Variants in THEM4 observed in about 807,000 individuals in gnomAD.
THEM4 encodes thioesterase superfamily member 4.
Under a neutral mutation model 25.0 loss-of-function variants are expected in THEM4, and 22 were observed. The observed-to-expected ratio is 0.88, with a 90% CI of 0.63 to 1.26. The LOEUF (loss-of-function observed/expected upper bound fraction) is 1.26. Among genes scored for constraint, THEM4 ranks in the 50% most tolerant of loss-of-function variants. The pLI, the probability that THEM4 is intolerant of heterozygous loss-of-function variation, is 0.00. For missense variants in THEM4, 286 were observed against 300.3 expected (o/e 0.95, Z 0.35); for synonymous variants, 113 against 105.6 (o/e 1.07, Z -0.43).
rs192107051 is a variant in THEM4, at chr1:151,877,079, T to C, written c.604A>G (p.Lys202Glu). ...ACAAAAAATTTCCTTCCTTCAACTTTATCAAGTTGGCTATTTATCATAACA... is the reference window on the plus strand; with the variant it reads ...ACAAAAAATTTCCTTCCTTCAACTTCATCAAGTTGGCTATTTATCATAACA... Reference protein sequence around the residue: ...SVVMINSQLDKVEGRKFFVSC... With the variant: ...SVVMINSQLDEVEGRKFFVSC... Residue 202 changes from lysine (K) to glutamate (E), a missense_variant, in exon 5 of 6, where the codon AAA (lysine) becomes GAA (glutamate). Coordinates refer to ENST00000368814, the MANE Select transcript of THEM4 (RefSeq NM_053055.5). The C allele has an allele frequency of 1.4e-5, 23 of 1,613,654 alleles. No individual in the cohort carries two copies. The East Asian group carries it at 4.9e-4, about 34-fold the overall frequency.
rs1289804978 is a variant in THEM4, at chr1:151,874,924, T to G, written c.687A>C (p.Leu229Phe). 6.2e-7 allele frequency: 1 copy of G among 1,613,376 alleles called. No homozygotes were observed. Among genetic ancestry groups the G allele is most frequent in the African/African-American group, 1.3e-5 (1 of 74,888 alleles). ...EKTLYSEATS[L>F]FIKLNPAKSL... is the part of the protein sequence containing the mutation. Reference sequence around the variant, plus strand: ...TTTTAGCAGGATTCAGCTTTATAAATAAGCCTAAACAAACAAAATAACAGC... The same window carrying G: ...TTTTAGCAGGATTCAGCTTTATAAAGAAGCCTAAACAAACAAAATAACAGC... The change falls in exon 6 of 6, where the codon TTA (leucine) becomes TTC (phenylalanine). Residue 229 changes from leucine (L) to phenylalanine (F), a missense_variant. Physicochemically the swap from Leu to Phe is conservative, Grantham distance 22. Transcript: ENST00000368814.
intron 4 of THEM4, among the ~76,000 whole-genome samples, chr1:151,877,687 C>T (rs1653714421): frequency 6.6e-6 from 1 of 152,120 alleles, no homozygotes; most frequent in South Asian, 2.1e-4. Flanking sequence ...ACCTGGTAGC[C>T]ACATGTGCCT....
intron 4 of THEM4, among the ~76,000 whole-genome samples, chr1:151,882,868 G>A (rs1653875578): frequency 6.6e-6 from 1 of 152,028 alleles, no homozygotes; most frequent in African/African-American, 2.4e-5. Context: ...AATCATGAGA[G>A]TTTGCATTAG....
intron 1 of THEM4, among the ~76,000 whole-genome samples, chr1:151,906,333 G>A (rs1173235707): frequency 1.3e-5 from 2 of 152,252 alleles, no homozygotes; most frequent in South Asian, 2.1e-4. Context: ...GCCCACTGGC[G>A]CTGCGCTCGA....
chr1:151,882,615 T>C (rs539745023), intron 4 of THEM4, among the ~76,000 whole-genome samples: 2 of 152,316 alleles, frequency 1.3e-5, no homozygotes, highest in African/African-American at 4.8e-5. Context: ...CATTTGAGCT[T>C]GTTTTATCTG....
chr1:151,895,164 T>G lies in THEM4; in HGVS notation c.130A>C (p.Lys44Gln). The G allele has an allele frequency of 1.2e-6, 2 of 1,612,150 alleles. No individual in the cohort carries two copies. The highest frequency in any genetic ancestry group is 3.3e-4 in the Middle Eastern group (2 of 6,060). ...CTGGGGTTGGGGACAGAACAGTCCT[T>G]AAGAATGACTTCCTCAGAAGAAAAT... ...RSFSSEEVIL[K>Q]DCSVPNPSWN... Residue 44 changes from lysine to glutamine, a missense_variant, in exon 2 of 6, where the codon AAG becomes CAG. Physicochemically the swap from Lys to Gln is moderately conservative, Grantham distance 53 (BLOSUM62 1). Transcript: ENST00000368814.
chr1:151,890,525 A>G (rs1048910), intron 2 of THEM4: 166,602 of 182,372 alleles, frequency 0.91, 76,144 homozygotes, highest in East Asian at 0.94. Context: ...ACGTGGAAAA[A>G]GATACAGATG....
rs1654353299 is a variant in THEM4, at chr1:151,901,579, A to G, written c.100-6385T>C. ...GCAAATAGGCCAGGCGCTGTGGCTC[A>G]TGCCTGTAATCCCAGCACTTTGGGA... On this transcript the variant is annotated intron_variant, in intron 1 of 5. Transcript: ENST00000368814. 2.6e-5 allele frequency among the ~76,000 whole-genome samples: 4 copies of G among 152,232 alleles called. No homozygotes were observed. In the South Asian group the frequency reaches 8.3e-4, roughly 32 times the overall value.
At chr1:151,899,826 A>G (rs1040548093) in intron 1 of THEM4, among the ~76,000 whole-genome samples, 4 of 152,226 alleles carry the variant, frequency 2.6e-5, no homozygotes, top group Admixed American at 2.6e-4. Context: ...ATTCATCACA[A>G]AAAGATCTGC....
rs1020293987 is a variant in THEM4 at position 151,874,828 on chromosome 1, T to G, written c.*60A>C. The G allele has an allele frequency of 5.3e-6, 8 of 1,519,952 alleles. No individual in the cohort carries two copies. In the African/African-American group the frequency reaches 6.9e-5, roughly 13 times the overall value. The allele number at this position is 1,519,952 out of a possible 1,614,324, so 94.2% of individuals were successfully genotyped here. On this transcript the variant is annotated 3_prime_UTR_variant, in exon 6 of 6. Coordinates refer to ENST00000368814, the MANE Select transcript of THEM4 (RefSeq NM_053055.5). ...ATTCAGCAGTGAGGGAGCAGAGTATTTGGGGGACAACTGCTTCTTCTGGAG... is the reference window on the plus strand; with the variant it reads ...ATTCAGCAGTGAGGGAGCAGAGTATGTGGGGGACAACTGCTTCTTCTGGAG...
intron 2 of THEM4, 111 bp from the exon 3 acceptor site, chr1:151,889,484 A>C (rs1654043390): frequency 8.9e-7 from 1 of 1,128,062 alleles, no homozygotes. Flanking sequence ...TGATTGATTC[A>C]AATGTCCACA....
intron 2 of THEM4, among the ~76,000 whole-genome samples, chr1:151,894,009 G>A (rs995564256): frequency 3.1e-4 from 47 of 152,118 alleles, no homozygotes; most frequent in African/African-American, 1.1e-3. Context: ...ACAGGTCCCC[G>A]CCACGAGGCC....
At chr1:151,905,720 T>C (rs1654444381) in intron 1 of THEM4, among the ~76,000 whole-genome samples, 2 of 152,224 alleles carry the variant, frequency 1.3e-5, no homozygotes, top group Non-Finnish European at 2.9e-5. Flanking sequence ...TTCCGTGTGA[T>C]TGTACCTTGC....
In THEM4 at chr1:151,872,444, TG is replaced by T. The variant is rs1653575040; in HGVS notation, c.*2443del. Among the ~76,000 whole-genome samples, 1 of 152,182 alleles carries T rather than the reference TG, an allele frequency of 6.6e-6. No homozygotes were observed. Among genetic ancestry groups the T allele is most frequent in the Non-Finnish European group, 1.5e-5 (1 of 68,026 alleles). ...AATATGGGGAAAGAAAGGAAAGAAA[TG>T]GAAGCCCAAATAATCTATTGCCTGC... On this transcript the variant is annotated 3_prime_UTR_variant, in exon 6 of 6. Transcript: ENST00000368814.
Position 151,874,652 on chromosome 1 carries a change from G to C in THEM4, c.*236C>G, listed in dbSNP as rs1425315833. The C allele has an allele frequency of 3.5e-6, 2 of 578,010 alleles. No individual in the cohort carries two copies. The highest frequency in any genetic ancestry group is 5.8e-5 in the East Asian group (2 of 34,460). The allele number at this position is 578,010 out of a possible 1,614,324, so 35.8% of individuals were successfully genotyped here. A position where few individuals can be genotyped will look rare whatever the true frequency, so the allele number is the denominator to read the frequency against. On this transcript the variant is annotated 3_prime_UTR_variant, in exon 6 of 6. Transcript: ENST00000368814. ...GGCCTCCTAAAGTGCTGGGATTATA[G>C]GTGTGAGCCACAGCGCCTGGCCCGA... is the stretch of plus-strand genomic sequence containing the variant.
At chr1:151,892,111 G>C (rs1654107354) in intron 2 of THEM4, among the ~76,000 whole-genome samples, 2 of 152,096 alleles carry the variant, frequency 1.3e-5, no homozygotes, top group Non-Finnish European at 2.9e-5. Flanking sequence ...GTAATGGTTT[G>C]AAAACAAGTG....
chr1:151,880,478 GAA>G (rs949750793), intron 4 of THEM4, among the ~76,000 whole-genome samples: 1 of 146,498 alleles, frequency 6.8e-6, no homozygotes. Context: ...ACTCTGTCTT[GAA>G]AAAAAAAAAT....
intron 1 of THEM4, among the ~76,000 whole-genome samples, chr1:151,899,438 C>T (rs975492991): frequency 1.1e-4 from 16 of 148,994 alleles, no homozygotes; most frequent in Non-Finnish European, 2.1e-4. Flanking sequence ...TTGCAGTGAG[C>T]CAAGATTGTG....
At chr1:151,883,584 A>C (rs1449613340) in intron 4 of THEM4, among the ~76,000 whole-genome samples, 4 of 152,104 alleles carry the variant, frequency 2.6e-5, no homozygotes, top group African/African-American at 9.7e-5. Context: ...AAACCATATC[A>C]GAATTATAAA....
Sources: allele counts gnomAD v4.1 joint callset (sites outside exome capture counted in the v4.1 genomes callset), GRCh38; gene constraint gnomAD v4.1.1; transcripts MANE v1.5; gene names NCBI Gene and HGNC (gene_info 2026-07-23, HGNC 2026-07-21).